The following MYOM1 variants were observed in gnomAD, a reference collection of about 807,000 sequenced individuals.
MYOM1 encodes myomesin 1.
Under a neutral mutation model 205.3 loss-of-function variants are expected in MYOM1, and 164 were observed. The observed-to-expected ratio is 0.80, with a 90% CI of 0.70 to 0.91. The LOEUF is 0.91. Ranked by LOEUF, MYOM1 falls within the 40% of genes least tolerant of loss-of-function variation. The pLI is 0.00. For synonymous variants in MYOM1, 772 were observed against 789.4 expected (o/e 0.98, Z 0.37); for missense variants, 2,011 against 2,127.3 (o/e 0.95, Z 1.08).
chr18:3,129,443 C>A lies in MYOM1; in HGVS notation c.2583G>T (p.Val861=). 4.3e-6 allele frequency: 7 copies of A among 1,613,946 alleles called. No homozygotes were observed. Among genetic ancestry groups the A allele is most frequent in the Non-Finnish European group, 5.9e-6 (7 of 1,179,866 alleles). Residue 861 remains valine, a synonymous_variant, in exon 18 of 38, where the codon GTG becomes GTT. Coordinates refer to ENST00000356443, the MANE Select transcript of MYOM1 (RefSeq NM_003803.4). ...GGAAGGTTGGCGGGGAGGCTTCATG[C>A]ACGCGCCCCCTGGAGGCGGTTAGTC... ...PGGLTASRGR[V]HEASPPTFQK...
chr18:3,202,858 T>C (rs2081084689), intron 2 of MYOM1, among the ~76,000 whole-genome samples: 1 of 152,084 alleles, frequency 6.6e-6, no homozygotes, highest in Non-Finnish European at 1.5e-5. Context: ...ACAGAATACT[T>C]ACTCTTTTCA....
Position 3,151,783 on chromosome 18 carries a change from C to G in MYOM1, c.1754G>C (p.Arg585Pro), listed in dbSNP as rs760185597. The G allele has an allele frequency of 1.2e-6, 2 of 1,613,898 alleles. No homozygotes were observed. The highest frequency in any genetic ancestry group is 1.7e-5 in the Admixed American group (1 of 60,012). Reference sequence around the variant, plus strand: ...ACCTATTCCCATTTTATTCACAGCTCGAACTCGGAAGATATAGGAACGACC... The same window carrying G: ...ACCTATTCCCATTTTATTCACAGCTGGAACTCGGAAGATATAGGAACGACC... ...IEGRSYIFRV[R>P]AVNKMGIGFP... Residue 585 changes from arginine (R) to proline (P), a missense_variant, in exon 12 of 38, where the codon CGA becomes CCA. Physicochemically the swap from Arg to Pro is moderately radical, Grantham distance 103. Transcript: ENST00000356443.
At position 3,126,817 on chromosome 18, in the gene MYOM1, T is replaced by C. The variant is rs192365952; in HGVS notation, c.2875A>G (p.Lys959Glu). Reference protein sequence around the residue: ...SMVLGWKQPDKIGGAEITGYY... With the variant: ...SMVLGWKQPDEIGGAEITGYY... ...CCAGTAATTTCTGCCCCTCCAATCT[T>C]ATCTGGTTGCTTCCATCCAAGAACC... The change falls in exon 19 of 38, where the codon AAG becomes GAG. Residue 959 changes from lysine (K) to glutamate (E), a missense_variant. Transcript: ENST00000356443. 2.0e-5 allele frequency: 32 copies of C among 1,613,734 alleles called. No individual in the cohort carries two copies. Among genetic ancestry groups the C allele is most frequent in the Middle Eastern group, 3.3e-4 (2 of 6,062 alleles).
In MYOM1 at chr18:3,176,024, A is replaced by T. The variant is rs540557991; in HGVS notation, c.1022+18T>A. On this transcript the variant is annotated intron_variant, in intron 6 of 37. Transcript: ENST00000356443. ...CTGAGCAATGGTGAGCAACACATGGACACTAATGTTCTCTTACCCATTAAT... is the reference window on the plus strand; with the variant it reads ...CTGAGCAATGGTGAGCAACACATGGTCACTAATGTTCTCTTACCCATTAAT... 15 of 1,465,448 alleles carry T rather than the reference A, an allele frequency of 1.0e-5. No homozygotes were observed. The South Asian group carries it at 1.7e-4, about 17-fold the overall frequency. 90.8% of individuals were successfully genotyped at this position (1,465,448 alleles called of 1,614,324 possible). A position where few individuals can be genotyped will look rare whatever the true frequency, so the allele number is the denominator to read the frequency against.
chr18:3,106,392 CTG>C (rs2143778619), intron 22 of MYOM1, among the ~76,000 whole-genome samples: 1 of 152,316 alleles, frequency 6.6e-6, no homozygotes, highest in South Asian at 2.1e-4. Flanking sequence ...TAAGCCACAT[CTG>C]TGTTTCAACT....
chr18:3,088,928 G>A (rs1260212890), intron 29 of MYOM1, among the ~76,000 whole-genome samples: 1 of 152,208 alleles, frequency 6.6e-6, no homozygotes, highest in Non-Finnish European at 1.5e-5. Context: ...TTAGATAAAA[G>A]TCTAGGGTGT....
At chr18:3,226,430 C>T in the MYOM1 span, among the ~76,000 whole-genome samples, 58 of 152,208 alleles carry the variant, frequency 3.8e-4, no homozygotes, top group African/African-American at 1.3e-3. The surrounding 1 kb of genome is among the most constrained non-coding windows in gnomAD (Gnocchi z 4.6). Context: ...TCTCCAGCTC[C>T]GCCCCTCTCC....
At chr18:3,132,712 T>C (rs1349497041) in intron 16 of MYOM1, among the ~76,000 whole-genome samples, 1 of 152,140 alleles carries the variant, frequency 6.6e-6, no homozygotes, top group African/African-American at 2.4e-5. Flanking sequence ...GAAATTACTA[T>C]AGAATCTGAA....
In MYOM1 at chr18:3,215,104, G is replaced by T. The variant is rs876657535; in HGVS notation, c.120C>A (p.Thr40=). Reference sequence around the variant, plus strand: ...GGCTGCTGTAGGCCGTGGAGCCCTGGGTGTAGACGGCGGAGCGTTTCTTCT... The same window carrying T: ...GGCTGCTGTAGGCCGTGGAGCCCTGTGTGTAGACGGCGGAGCGTTTCTTCT... ...QREKKRSAVY[T]QGSTAYSSRS... Residue 40 remains threonine, a synonymous_variant, in exon 2 of 38, where the codon ACC becomes ACA. Transcript: ENST00000356443. 1 of 1,613,832 alleles carries T rather than the reference G, an allele frequency of 6.2e-7. No homozygotes were observed. The highest frequency in any genetic ancestry group is 1.7e-5 in the Admixed American group (1 of 60,018).
intron 25 of MYOM1, among the ~76,000 whole-genome samples, chr18:3,098,522 C>T (rs1212815140): frequency 1.3e-5 from 2 of 152,028 alleles, no homozygotes; most frequent in African/African-American, 2.4e-5. Flanking sequence ...CATGATCCAC[C>T]CACCTTGGCC....
chr18:3,067,167 T>C lies in MYOM1; in HGVS notation c.*95A>G. The stretch of plus-strand genomic sequence containing the variant: ...ATTATTTTCCCCTCAAGCCAGAAAA[T>C]AATAGGGAGGAGAAAGCATGAAGAC... On this transcript the variant is annotated 3_prime_UTR_variant, in exon 38 of 38. Coordinates refer to ENST00000356443, the MANE Select transcript of MYOM1 (RefSeq NM_003803.4). 1 of 1,348,484 alleles carries C rather than the reference T, an allele frequency of 7.4e-7. No individual in the cohort carries two copies. Among genetic ancestry groups the C allele is most frequent in the Non-Finnish European group, 1.0e-6 (1 of 1,001,176 alleles). The allele number at this position is 1,348,484 out of a possible 1,614,324, so 83.5% of individuals were successfully genotyped here. A position where few individuals can be genotyped will look rare whatever the true frequency, so the allele number is the denominator to read the frequency against.
At chr18:3,235,823 TG>T in the MYOM1 span, among the ~76,000 whole-genome samples, 21 of 152,220 alleles carry the variant, frequency 1.4e-4, no homozygotes, top group African/African-American at 3.4e-4. Flanking sequence ...AGACTTAAAA[TG>T]GAATGACCAG....
intron 5 of MYOM1, among the ~76,000 whole-genome samples, chr18:3,185,587 A>T (rs894587693): frequency 1.4e-4 from 21 of 152,286 alleles, no homozygotes; most frequent in African/African-American, 5.1e-4. Flanking sequence ...ATGTCCCTTT[A>T]ACAGGCCAAA....
At position 3,083,858 on chromosome 18, in the gene MYOM1, G is replaced by T; in HGVS notation, c.4415C>A (p.Ala1472Asp). The T allele has an allele frequency of 1.3e-6, 2 of 1,583,612 alleles. No homozygotes were observed. Among genetic ancestry groups the T allele is most frequent in the South Asian group, 1.2e-5 (1 of 86,660 alleles). The change falls in exon 33 of 38, where the codon GCC becomes GAC. Residue 1472 changes from alanine (A) to aspartate (D), a missense_variant. Physicochemically the swap from Ala to Asp is moderately radical, Grantham distance 126. Coordinates refer to ENST00000356443, the MANE Select transcript of MYOM1 (RefSeq NM_003803.4). ...SATDLKIQST[A>D]EGIQLYSFVT... ...AAAAGAGTACAGTTGGATGCCCTCG[G>T]CTGTGCTCTGGATTTTCAGGTCTGT... is the stretch of plus-strand genomic sequence containing the variant.
intron 18 of MYOM1, among the ~76,000 whole-genome samples, chr18:3,127,299 ATATATATT>A (rs1229248508): frequency 1.4e-4 from 7 of 49,890 alleles, no homozygotes; most frequent in African/African-American, 4.6e-4. Flanking sequence ...ATATATATAT[ATATATATT>A]TTTTTTTTTT....
chr18:3,133,118 G>T (rs745939226), intron 16 of MYOM1, among the ~76,000 whole-genome samples: 4 of 151,928 alleles, frequency 2.6e-5, no homozygotes, highest in Non-Finnish European at 4.4e-5. Flanking sequence ...TCCTGCCTAC[G>T]CACCACCAGC....
intron 19 of MYOM1, 86 bp downstream of exon 19, chr18:3,126,615 C>A: frequency 8.2e-7 from 1 of 1,214,110 alleles, no homozygotes; most frequent in Non-Finnish European, 1.1e-6. Flanking sequence ...GACTCTCTTA[C>A]AAGGTGCTGG....
intron 14 of MYOM1, among the ~76,000 whole-genome samples, chr18:3,137,488 C>T (rs1186695915): frequency 6.6e-6 from 1 of 151,928 alleles, no homozygotes; most frequent in Non-Finnish European, 1.5e-5. Context: ...GTTATTCAGC[C>T]ACAAAAAAGA....
In MYOM1 at chr18:3,139,212, T is replaced by C. The variant is rs561216808; in HGVS notation, c.2025+2727A>G. 4.6e-5 allele frequency among the ~76,000 whole-genome samples: 7 copies of C among 152,368 alleles called. No homozygotes were observed. In the South Asian group the frequency reaches 1.2e-3, roughly 27 times the overall value. On this transcript the variant is annotated intron_variant, in intron 14 of 37. Coordinates refer to ENST00000356443, the MANE Select transcript of MYOM1 (RefSeq NM_003803.4). ...AGTGGGTTAACTCATGTAAGGTGCT[T>C]AGAACAGTGCAAATCTTGGCTATGT... is the stretch of plus-strand genomic sequence containing the variant.
Sources: gnomAD v4.1 joint callset for allele counts (sites outside exome capture counted in the v4.1 genomes callset) on GRCh38, gnomAD v4.1.1 for gene constraint, Gnocchi (gnomAD v3.1) non-coding constraint, MANE v1.5 for transcripts, NCBI Gene and HGNC (gene_info 2026-07-23, HGNC 2026-07-21) for gene names.